SCN9A: variants seen among roughly 807,000 people sequenced by gnomAD.
SCN9A encodes the protein sodium voltage-gated channel alpha subunit 9.
Under a neutral mutation model 187.0 loss-of-function variants are expected in SCN9A, and 131 were observed. That is an observed-to-expected ratio of 0.70 (90% CI 0.61 to 0.81). The LOEUF is 0.81. Among genes scored for constraint, SCN9A ranks in the 30% least tolerant of loss-of-function variants. The pLI is 0.00. For synonymous variants in SCN9A, 809 were observed against 808.6 expected (o/e 1.00, Z -0.01); for missense variants, 2,252 against 2,396.6 (o/e 0.94, Z 1.26).
chr2:166,356,878 C>T (rs1700162728), intron 1 of SCN9A, among the ~76,000 whole-genome samples: 1 of 152,154 alleles, frequency 6.6e-6, no homozygotes, highest in African/African-American at 2.4e-5. Flanking sequence ...CACTGTAGAA[C>T]ATTTAGGTTG....
chr2:166,227,665 C>T lies in SCN9A; in HGVS notation c.4260+5G>A, dbSNP rs778072712. Reference sequence around the variant, plus strand: ...AAGTTTAGTGCTAAGATAATCAATACTTACATTAACAGAATCCACTGCTGC... The same window carrying T: ...AAGTTTAGTGCTAAGATAATCAATATTTACATTAACAGAATCCACTGCTGC... On this transcript the variant is annotated splice_donor_5th_base_variant and intron_variant, in intron 23 of 26. Coordinates refer to ENST00000642356, the MANE Select transcript of SCN9A (RefSeq NM_001365536.1). 2 of 1,490,442 alleles carry T rather than the reference C, an allele frequency of 1.3e-6. No homozygotes were observed. The highest frequency in any genetic ancestry group is 1.8e-6 in the Non-Finnish European group (2 of 1,089,124). The allele number at this position is 1,490,442 out of a possible 1,614,324, so 92.3% of individuals were successfully genotyped here. A position where few individuals can be genotyped will look rare whatever the true frequency, so the allele number is the denominator to read the frequency against.
intron 24 of SCN9A, 114 bp from the exon 25 acceptor site, chr2:166,204,578 A>T (rs981769915): frequency 7.5e-5 from 44 of 588,726 alleles, no homozygotes; most frequent in Non-Finnish European, 1.2e-4. Flanking sequence ...AATGTATTTT[A>T]TTATGTTCAT....
At chr2:166,227,827 C>T in intron 22 of SCN9A, 104 bp from the exon 23 acceptor site, 1 of 697,360 alleles carries the variant, frequency 1.4e-6, no homozygotes, top group African/African-American at 1.8e-5. Flanking sequence ...TTAAGTAATA[C>T]TAGTAAGTTT....
At chr2:166,276,932 C>G in intron 16 of SCN9A, 51 bp downstream of exon 16, 11 of 1,486,948 alleles carry the variant, frequency 7.4e-6, no homozygotes, top group Non-Finnish European at 1.0e-5. Context: ...CACATCATCA[C>G]AAAATAATTT....
At chr2:166,283,616 A>G (rs1697592677) in intron 12 of SCN9A, among the ~76,000 whole-genome samples, 1 of 152,194 alleles carries the variant, frequency 6.6e-6, no homozygotes, top group South Asian at 2.1e-4. Context: ...GAACTGCTGT[A>G]AAATGATTGT....
chr2:166,307,096 A>T (rs773686703), intron 2 of SCN9A, 22 bp from the exon 3 acceptor site: 16 of 1,379,570 alleles, frequency 1.2e-5, no homozygotes, highest in Non-Finnish European at 1.6e-5. Flanking sequence ...AAAAGAAAGG[A>T]TGAAATTGAG....
At chr2:166,262,368 A>G (rs1361661872) in intron 17 of SCN9A, among the ~76,000 whole-genome samples, 1 of 152,022 alleles carries the variant, frequency 6.6e-6, no homozygotes, top group Non-Finnish European at 1.5e-5. Flanking sequence ...AATCAGTTTT[A>G]CTTTTCAATA....
chr2:166,241,570 T>C (rs1003052973), intron 19 of SCN9A, among the ~76,000 whole-genome samples: 1 of 152,170 alleles, frequency 6.6e-6, no homozygotes, highest in Non-Finnish European at 1.5e-5. Context: ...TGCTGTTTTA[T>C]GCCTCCTTAC....
intron 17 of SCN9A, among the ~76,000 whole-genome samples, chr2:166,268,154 A>G (rs1482001223): frequency 6.6e-6 from 1 of 152,004 alleles, no homozygotes; most frequent in Non-Finnish European, 1.5e-5. Flanking sequence ...TATTTATGAG[A>G]ATCATATAAT....
intron 1 of SCN9A, among the ~76,000 whole-genome samples, chr2:166,352,905 G>C (rs571416933): frequency 6.6e-6 from 1 of 152,108 alleles, no homozygotes; most frequent in South Asian, 2.1e-4. Context: ...GATGTGCCTT[G>C]TTAGTGCTTT....
At chr2:166,300,573 T>C (rs1405033948) in intron 7 of SCN9A, among the ~76,000 whole-genome samples, 1 of 150,868 alleles carries the variant, frequency 6.6e-6, no homozygotes, top group South Asian at 2.1e-4. Flanking sequence ...TCCCACTAGA[T>C]GATAAGCTCT....
intron 26 of SCN9A, 111 bp from the exon 27 acceptor site, chr2:166,199,975 G>GCTTTTTTTTT (rs1693410124): frequency 1.3e-5 from 1 of 79,310 alleles, no homozygotes; most frequent in Non-Finnish European, 2.6e-5. Flanking sequence ...ATTCAAGACA[G>GCTTTTTTTTT]TTTTTTTTTT....
chr2:166,375,173 G>C (rs1700658584), intron 1 of SCN9A, among the ~76,000 whole-genome samples: 1 of 152,198 alleles, frequency 6.6e-6, no homozygotes, highest in African/African-American at 2.4e-5. Flanking sequence ...AATAGGGGCA[G>C]AGCTGTCCTG....
chr2:166,224,465 A>G (rs2106380419), intron 24 of SCN9A, among the ~76,000 whole-genome samples: 1 of 152,250 alleles, frequency 6.6e-6, no homozygotes, highest in African/African-American at 2.4e-5. Context: ...CTAAGCCAGT[A>G]CCCAAAATTA....
At chr2:166,287,857 A>G (rs1697842146) in intron 10 of SCN9A, among the ~76,000 whole-genome samples, 1 of 151,504 alleles carries the variant, frequency 6.6e-6, no homozygotes. Context: ...TACCCCATAG[A>G]AGAGTATCTG....
chr2:166,286,854 A>C, intron 10 of SCN9A, among the ~76,000 whole-genome samples: 1 of 152,296 alleles, frequency 6.6e-6, no homozygotes, highest in South Asian at 2.1e-4. Flanking sequence ...TTAAACTATT[A>C]CATGTTATTA....
chr2:166,372,135 T>C (rs919570680), intron 1 of SCN9A, among the ~76,000 whole-genome samples: 2 of 152,076 alleles, frequency 1.3e-5, no homozygotes, highest in African/African-American at 4.8e-5. Flanking sequence ...AATTCTAGTA[T>C]GAAAATGACA....
chr2:166,251,721 C>T, intron 18 of SCN9A, 44 bp downstream of exon 18: 1 of 1,609,162 alleles, frequency 6.2e-7, no homozygotes, highest in Non-Finnish European at 8.5e-7. Context: ...AACCCCAGAA[C>T]ACTAATTAAG....
Position 166,198,447 on chromosome 2 carries a change from CAAT to C in SCN9A, c.*222_*224del, listed in dbSNP as rs1693308883. 3 of 481,586 alleles carry C rather than the reference CAAT, an allele frequency of 6.2e-6. No homozygotes were observed. The highest frequency in any genetic ancestry group is 1.1e-5 in the Non-Finnish European group (3 of 274,224). The allele number at this position is 481,586 out of a possible 1,614,324, so 29.8% of individuals were successfully genotyped here. ...CTGAATCACTTTTGTATGCTATAAT[CAAT>C]AATTCCTACAGAGTTCTCTTACGAT... On this transcript the variant is annotated 3_prime_UTR_variant, in exon 27 of 27. Transcript: ENST00000642356.
Sources: gnomAD v4.1 joint callset for allele counts (sites outside exome capture counted in the v4.1 genomes callset) on GRCh38, gnomAD v4.1.1 for gene constraint, MANE v1.5 for transcripts, NCBI Gene and HGNC (gene_info 2026-07-23, HGNC 2026-07-21) for gene names.